MAP3K20: variants seen among roughly 807,000 people sequenced by gnomAD.
The protein encoded by MAP3K20 is HCCS-4.
MAP3K20 carries 40 observed loss-of-function variants against 85.7 expected under a neutral mutation model. That is an observed-to-expected ratio of 0.47 (90% CI 0.36 to 0.61). The LOEUF is 0.61. Among genes scored for constraint, MAP3K20 ranks in the 20% least tolerant of loss-of-function variants. MAP3K20 has a pLI of 0.00. For synonymous variants in MAP3K20, 325 were observed against 327.7 expected (o/e 0.99, Z 0.09); for missense variants, 817 against 961.7 (o/e 0.85, Z 1.99).
intron 2 of MAP3K20, among the ~76,000 whole-genome samples, chr2:173,109,349 C>G (rs1426573943): frequency 5.9e-5 from 9 of 152,176 alleles, no homozygotes; most frequent in Admixed American, 3.9e-4. Flanking sequence ...ATAGCTCTCT[C>G]CACATCTGGT....
At chr2:173,093,296 G>T (rs1389153430) in intron 2 of MAP3K20, among the ~76,000 whole-genome samples, 2 of 152,132 alleles carry the variant, frequency 1.3e-5, no homozygotes, top group Admixed American at 1.3e-4. Flanking sequence ...ATGTCACTTG[G>T]TTGTTTTTTG....
At chr2:173,220,346 G>A (rs1345707057) in intron 11 of MAP3K20, among the ~76,000 whole-genome samples, 1 of 152,172 alleles carries the variant, frequency 6.6e-6, no homozygotes, top group African/African-American at 2.4e-5. Context: ...ACCACTGTGA[G>A]TGGTGACATC....
chr2:173,246,360 G>A (rs1684912996), intron 16 of MAP3K20, among the ~76,000 whole-genome samples: 1 of 152,166 alleles, frequency 6.6e-6, no homozygotes, highest in Admixed American at 6.5e-5. Context: ...CAATCAAAGT[G>A]CCCTGTGTTT....
intron 2 of MAP3K20, among the ~76,000 whole-genome samples, chr2:173,105,885 A>C (rs1410348501): frequency 1.3e-5 from 2 of 152,202 alleles, no homozygotes; most frequent in Non-Finnish European, 2.9e-5. Context: ...TGAATTATGC[A>C]CTTAAAATGG....
At chr2:173,102,190 G>T (rs1368105131) in intron 2 of MAP3K20, among the ~76,000 whole-genome samples, 1 of 152,124 alleles carries the variant, frequency 6.6e-6, no homozygotes, top group Non-Finnish European at 1.5e-5. Context: ...TAAACATAAT[G>T]ATCACATCTC....
intron 2 of MAP3K20, among the ~76,000 whole-genome samples, chr2:173,101,580 T>C (rs958529026): frequency 1.3e-5 from 2 of 152,198 alleles, no homozygotes; most frequent in Admixed American, 6.5e-5. Context: ...AGCTAGGCTC[T>C]TGCTATTAGA....
At chr2:173,214,140 T>G (rs1189303610) in intron 10 of MAP3K20, 1 of 152,250 alleles carries the variant, frequency 6.6e-6, no homozygotes, top group Non-Finnish European at 1.5e-5. Context: ...TATTCTGAAA[T>G]TCTTTTTAAA....
At chr2:173,168,758 C>T (rs1440052597) in intron 2 of MAP3K20, among the ~76,000 whole-genome samples, 1 of 151,926 alleles carries the variant, frequency 6.6e-6, no homozygotes, top group East Asian at 1.9e-4. Context: ...ATTTATAATT[C>T]TTGATTAGCC....
intron 16 of MAP3K20, among the ~76,000 whole-genome samples, chr2:173,251,302 G>A (rs1464311213): frequency 6.6e-6 from 1 of 152,050 alleles, no homozygotes; most frequent in African/African-American, 2.4e-5. Flanking sequence ...AGCATTCTTG[G>A]TTGATTTTAC....
intron 14 of MAP3K20, among the ~76,000 whole-genome samples, chr2:173,237,155 T>G (rs1323818576): frequency 6.6e-6 from 1 of 150,440 alleles, no homozygotes; most frequent in East Asian, 2.0e-4. Flanking sequence ...GCCTCCTGAG[T>G]AGCTGGAATT....
chr2:173,091,082 G>A lies in MAP3K20; in HGVS notation c.51G>A (p.Gln17=). 1 of 1,613,908 alleles carries A rather than the reference G, an allele frequency of 6.2e-7. No homozygotes were observed. The highest frequency in any genetic ancestry group is 2.2e-5 in the East Asian group (1 of 44,870). ...TGCAAATTAAATTTGATGACTTGCA[G>A]TTTTTTGAAAACTGCGGTGGAGGAA... ...SFVQIKFDDL[Q]FFENCGGGSF... The change falls in exon 2 of 20, where the codon CAG becomes CAA. Residue 17 remains glutamine, a synonymous_variant. Transcript: ENST00000375213.
Position 173,187,637 on chromosome 2 carries a change from GT to G in MAP3K20, c.415+19del, listed in dbSNP as rs1690529017. ...AGTCAAGAAACGGTAATGTAGTTAT[GT>G]TTTTATTTTACCTATTTTATTACAA... On this transcript the variant is annotated intron_variant, in intron 5 of 19. Transcript: ENST00000375213. The G allele has an allele frequency of 3.1e-6, 5 of 1,595,584 alleles. No homozygotes were observed. The highest frequency in any genetic ancestry group is 1.4e-5 in the African/African-American group (1 of 73,862).
chr2:173,166,045 C>T (rs1689810882), intron 2 of MAP3K20, among the ~76,000 whole-genome samples: 1 of 152,120 alleles, frequency 6.6e-6, no homozygotes, highest in Non-Finnish European at 1.5e-5. Context: ...TTTTCATCAC[C>T]CCAAACAGAA....
chr2:173,197,310 A>T (rs1262017658), intron 7 of MAP3K20, among the ~76,000 whole-genome samples: 1 of 152,212 alleles, frequency 6.6e-6, no homozygotes, highest in Non-Finnish European at 1.5e-5. Flanking sequence ...TTTAATAATC[A>T]TACTGATCTC....
intron 2 of MAP3K20, among the ~76,000 whole-genome samples, chr2:173,150,170 G>T (rs1423086387): frequency 6.6e-6 from 1 of 152,224 alleles, no homozygotes; most frequent in Non-Finnish European, 1.5e-5. Context: ...TCCATATCCT[G>T]TAAGTGGAAA....
At chr2:173,118,575 G>C (rs578041815) in intron 2 of MAP3K20, among the ~76,000 whole-genome samples, 217 of 152,016 alleles carry the variant, frequency 1.4e-3, no homozygotes, top group African/African-American at 5.1e-3. Context: ...ACATTCTCCA[G>C]CTTTGGTGTT....
At position 173,091,054 on chromosome 2, in the gene MAP3K20, T is replaced by C. The variant is rs1422349758; in HGVS notation, c.23T>C (p.Phe8Ser). ...GAGATGTCGTCTCTCGGTGCCTCCT[T>C]TGTGCAAATTAAATTTGATGACTTG... The part of the protein sequence containing the change: MSSLGAS[F>S]VQIKFDDLQF... The change falls in exon 2 of 20, where the codon TTT becomes TCT. Residue 8 changes from phenylalanine (F) to serine (S), a missense_variant. Phe to Ser is a radical substitution (Grantham distance 155). Coordinates refer to ENST00000375213, the MANE Select transcript of MAP3K20 (RefSeq NM_016653.3). The C allele has an allele frequency of 6.2e-7, 1 of 1,613,830 alleles. No individual in the cohort carries two copies. The highest frequency in any genetic ancestry group is 1.7e-5 in the Admixed American group (1 of 59,928).
At chr2:173,253,918 G>A (rs1391301784) in intron 16 of MAP3K20, among the ~76,000 whole-genome samples, 1 of 151,796 alleles carries the variant, frequency 6.6e-6, no homozygotes, top group Non-Finnish European at 1.5e-5. Context: ...GAATAAAGGC[G>A]AAATTAGCCG....
At chr2:173,173,289 G>A (rs77243110) in intron 3 of MAP3K20, among the ~76,000 whole-genome samples, 2,089 of 151,878 alleles carry the variant, frequency 0.014, 24 homozygotes, top group South Asian at 0.035. Flanking sequence ...CTCTTTTGTA[G>A]CAAGCCAGAT....
Sources: allele counts gnomAD v4.1 joint callset (sites outside exome capture counted in the v4.1 genomes callset), GRCh38; gene constraint gnomAD v4.1.1; transcripts MANE v1.5; gene names NCBI Gene and HGNC (gene_info 2026-07-23, HGNC 2026-07-21).